Variants in MS4A4E observed in about 807,000 individuals in gnomAD.
MS4A4E encodes membrane spanning 4-domains A4E.
MS4A4E carries 23 observed loss-of-function variants against 13.3 expected under a neutral mutation model. The observed-to-expected ratio is 1.73, with a 90% CI of 1.25 to 2.45. The LOEUF is 2.45. MS4A4E is among the 30% of genes most tolerant of loss of function. The pLI, the probability that MS4A4E is intolerant of heterozygous loss-of-function variation, is 0.00. For synonymous variants in MS4A4E, 36 were observed against 45.6 expected (o/e 0.79, Z 0.85); for missense variants, 144 against 131.2 (o/e 1.10, Z -0.48).
chr11:60,216,490 A>G (rs1354490783), intron 3 of MS4A4E, among the ~76,000 whole-genome samples: 1 of 152,150 alleles, frequency 6.6e-6, no homozygotes, highest in African/African-American at 2.4e-5. Context: ...TCCTCCCTCA[A>G]AAGTTTGTGG....
At position 60,200,896 on chromosome 11, in the gene MS4A4E, C is replaced by T. The variant is rs1490820130; in HGVS notation, c.*647G>A. 6.0e-5 allele frequency among the ~76,000 whole-genome samples: 9 copies of T among 150,032 alleles called. No homozygotes were observed. The highest frequency in any genetic ancestry group is 2.0e-4 in the East Asian group (1 of 5,032). ...GCAGAGGCACCCCTCACCTCCCGGA[C>T]GGGGCGGCTGGCCGGGCGGGGGGCT... On this transcript the variant is annotated 3_prime_UTR_variant, in exon 9 of 9. Coordinates refer to ENST00000651255, the MANE Select transcript of MS4A4E (RefSeq NM_001393391.1).
chr11:60,231,262 C>T (rs953389204), intron 1 of MS4A4E, among the ~76,000 whole-genome samples: 5 of 150,892 alleles, frequency 3.3e-5, no homozygotes, highest in Non-Finnish European at 7.4e-5. Context: ...ATAAAAAGTA[C>T]AAAATTACAA....
chr11:60,216,050 C>T (rs951469844), intron 3 of MS4A4E, among the ~76,000 whole-genome samples: 3 of 152,086 alleles, frequency 2.0e-5, no homozygotes, highest in Non-Finnish European at 4.4e-5. Context: ...TACAAACTTA[C>T]AGCTGGCTCT....
In MS4A4E at chr11:60,230,072, C is replaced by T. The variant is rs563537993; in HGVS notation, c.-16-1G>A. 2 of 1,572,654 alleles carry T rather than the reference C, an allele frequency of 1.3e-6. No homozygotes were observed. Among genetic ancestry groups the T allele is most frequent in the East Asian group, 2.3e-5 (1 of 42,930 alleles). The stretch of plus-strand genomic sequence containing the variant: ...GGTTGTCATGGCAGCAGAAAAGGTG[C>T]TACAATAAGAAATGTAATTTAGGAT... On this transcript the variant is annotated splice_acceptor_variant, in intron 1 of 8. Transcript: ENST00000651255. LOFTEE classifies it low-confidence loss of function (5UTR_SPLICE).
chr11:60,241,334 T>C lies in MS4A4E; in HGVS notation c.-17+1624A>G, dbSNP rs373761375. Among the ~76,000 whole-genome samples the C allele has an allele frequency of 2.6e-5, 4 of 152,158 alleles. No homozygotes were observed. In the East Asian group the frequency reaches 7.7e-4, roughly 29 times the overall value. ...CCACCGCACCCGGCCTATTCTTTAA[T>C]GTAAGGGAAACTCGGCCTCAATCTC... On this transcript the variant is annotated intron_variant, in intron 1 of 8. Transcript: ENST00000651255.
In MS4A4E at chr11:60,227,327, G is replaced by A. The variant is rs188516843; in HGVS notation, c.178+1267C>T. Among the ~76,000 whole-genome samples the A allele has an allele frequency of 1.4e-3, 214 of 152,134 alleles. 1 individual carries two copies. Among genetic ancestry groups the A allele is most frequent in the Admixed American group, 5.1e-3 (78 of 15,290 alleles). On this transcript the variant is annotated intron_variant, in intron 3 of 8. Transcript: ENST00000651255. ...AGCACTTTGGGAGGCCGAAGCGGGC[G>A]GATCACGAGGTCAGGAGATTGAGAC... is the stretch of plus-strand genomic sequence containing the variant.
chr11:60,223,488 A>C (rs2084299228), intron 3 of MS4A4E, among the ~76,000 whole-genome samples: 1 of 152,122 alleles, frequency 6.6e-6, no homozygotes, highest in Non-Finnish European at 1.5e-5. Context: ...CAGGTTGACA[A>C]GGGGTGGACT....
At chr11:60,232,674 T>TGACACTGTG (rs532323092) in intron 1 of MS4A4E, among the ~76,000 whole-genome samples, 124 of 152,220 alleles carry the variant, frequency 8.1e-4, no homozygotes, top group Middle Eastern at 3.4e-3. Flanking sequence ...GAGGAGGAGC[T>TGACACTGTG]GACACTGTGC....
chr11:60,239,915 C>T (rs1030049785), intron 1 of MS4A4E, among the ~76,000 whole-genome samples: 7 of 152,164 alleles, frequency 4.6e-5, no homozygotes, highest in African/African-American at 1.7e-4. Flanking sequence ...GAATTGTCCC[C>T]CTCTGGGGTT....
intron 1 of MS4A4E, among the ~76,000 whole-genome samples, chr11:60,233,977 T>G (rs2084448196): frequency 6.6e-6 from 1 of 152,170 alleles, no homozygotes; most frequent in South Asian, 2.1e-4. Flanking sequence ...GGACATGGAG[T>G]CAAAGGAAAT....
At chr11:60,210,524 T>C (rs1178576727) in intron 5 of MS4A4E, among the ~76,000 whole-genome samples, 2 of 152,262 alleles carry the variant, frequency 1.3e-5, no homozygotes, top group Non-Finnish European at 2.9e-5. Flanking sequence ...TCATTGGCAA[T>C]TTCATATGGT....
intron 1 of MS4A4E, among the ~76,000 whole-genome samples, chr11:60,240,077 T>C (rs60784752): frequency 7.7e-4 from 118 of 152,292 alleles, no homozygotes; most frequent in African/African-American, 2.6e-3. Context: ...TAAAGGAAGG[T>C]GGCACAAGGA....
At chr11:60,214,917 T>C (rs1037991249) in intron 3 of MS4A4E, among the ~76,000 whole-genome samples, 1 of 152,146 alleles carries the variant, frequency 6.6e-6, no homozygotes, top group African/African-American at 2.4e-5. Flanking sequence ...TAAGAAGTAA[T>C]TCTTATATGG....
chr11:60,231,975 A>G (rs200650445), intron 1 of MS4A4E, among the ~76,000 whole-genome samples: 11 of 55,370 alleles, frequency 2.0e-4, no homozygotes, highest in African/African-American at 5.8e-4. Context: ...AAAGTTAAAG[A>G]TAAAGTGCAA....
At chr11:60,228,794 A>G (rs1209620359) in intron 2 of MS4A4E, among the ~76,000 whole-genome samples, 167 bp from the exon 3 acceptor site, 1 of 152,216 alleles carries the variant, frequency 6.6e-6, no homozygotes, top group African/African-American at 2.4e-5. Flanking sequence ...GAAAACATAG[A>G]GGAAATTTAA....
At chr11:60,210,508 A>G (rs1214742338) in intron 5 of MS4A4E, among the ~76,000 whole-genome samples, 11 of 152,250 alleles carry the variant, frequency 7.2e-5, no homozygotes, top group Non-Finnish European at 5.9e-5. Context: ...GGTTAAGTAT[A>G]GTTGATCATT....
intron 1 of MS4A4E, 51 bp from the exon 2 acceptor site, chr11:60,230,122 A>G: frequency 6.6e-7 from 1 of 1,517,742 alleles, no homozygotes; most frequent in East Asian, 2.4e-5. Context: ...GACAAAAGAA[A>G]GTCTTGACAC....
At chr11:60,208,295 C>T (rs1231921470) in intron 6 of MS4A4E, among the ~76,000 whole-genome samples, 1 of 152,186 alleles carries the variant, frequency 6.6e-6, no homozygotes, top group Non-Finnish European at 1.5e-5. Context: ...GGCTCTCCTG[C>T]TGGTCTCAAA....
At chr11:60,225,109 G>T (rs1290027249) in intron 3 of MS4A4E, 1 of 1,501,468 alleles carries the variant, frequency 6.7e-7, no homozygotes. Context: ...AATGATGAAA[G>T]CAAAAACTGA....
Sources: gnomAD v4.1 joint callset for allele counts (sites outside exome capture counted in the v4.1 genomes callset) on GRCh38, gnomAD v4.1.1 for gene constraint, MANE v1.5 for transcripts, NCBI Gene and HGNC (gene_info 2026-07-23, HGNC 2026-07-21) for gene names.